Variants in PRKN observed in about 807,000 individuals in gnomAD.
PRKN encodes E3 ubiquitin-protein ligase parkin.
A neutral mutation model predicts 59.5 loss-of-function variants in PRKN; 56 were observed. The observed-to-expected ratio is 0.94, with a 90% confidence interval of 0.76 to 1.18. The LOEUF (loss-of-function observed/expected upper bound fraction) is 1.18. PRKN is among the 50% of genes most tolerant of loss of function. The pLI is 0.00. For synonymous variants in PRKN, 250 were observed against 222.1 expected, an observed-to-expected ratio of 1.13 and a Z score of -1.12; for missense variants, 657 against 596.4, an observed-to-expected ratio of 1.10 and a Z score of -1.06.
intron 6 of PRKN, among the ~76,000 whole-genome samples, chr6:161,933,165 A>G (rs1340034987): frequency 1.1e-4 from 16 of 152,160 alleles, no homozygotes; most frequent in Non-Finnish European, 1.5e-5. Context: ...CTGTAATCCC[A>G]GCTACTTGGA....
intron 7 of PRKN, among the ~76,000 whole-genome samples, chr6:161,710,851 C>T (rs76061851): frequency 1.6e-4 from 9 of 54,652 alleles, no homozygotes; most frequent in South Asian, 9.3e-4. Context: ...TTTCCTTCTT[C>T]CCTTCCCTTC....
At chr6:161,801,379 G>C (rs976115776) in intron 6 of PRKN, among the ~76,000 whole-genome samples, 1 of 152,172 alleles carries the variant, frequency 6.6e-6, no homozygotes, top group Non-Finnish European at 1.5e-5. Context: ...CGGTTCTTTC[G>C]GGAGAAAGAT....
intron 2 of PRKN, among the ~76,000 whole-genome samples, chr6:162,360,114 C>CGGGTGT (rs1785071267): frequency 6.6e-6 from 1 of 150,918 alleles, no homozygotes; most frequent in Admixed American, 6.6e-5. Context: ...GGTGTGGGTG[C>CGGGTGT]GGGTGTGGGT....
chr6:162,460,761 T>C (rs971903412), intron 1 of PRKN, among the ~76,000 whole-genome samples: 3 of 152,334 alleles, frequency 2.0e-5, no homozygotes, highest in East Asian at 1.9e-4. Context: ...GTAAACATCA[T>C]CTTTCACATT....
chr6:162,182,042 T>C (rs914474621), intron 4 of PRKN, among the ~76,000 whole-genome samples: 1 of 150,138 alleles, frequency 6.7e-6, no homozygotes, highest in Non-Finnish European at 1.5e-5. Flanking sequence ...TCTTTTGTAT[T>C]GCAATCTCAC....
chr6:161,693,172 G>T lies in PRKN; in HGVS notation c.871+92600C>A, dbSNP rs116402222. ...CTTATAAAACATAGAAGAAAAACTA[G>T]CCCTAAATATTTCTGAAAACCAATA... On this transcript the variant is annotated intron_variant, in intron 7 of 11. Transcript: ENST00000366898. Among the ~76,000 whole-genome samples the T allele has an allele frequency of 7.8e-3, 1,187 of 151,990 alleles. 10 individuals are homozygous for T. Among genetic ancestry groups the T allele is most frequent in the African/African-American group, 0.027 (1,127 of 41,452 alleles).
At chr6:162,512,755 C>A (rs1330717406) in intron 1 of PRKN, among the ~76,000 whole-genome samples, 1 of 152,066 alleles carries the variant, frequency 6.6e-6, no homozygotes, top group Non-Finnish European at 1.5e-5. Flanking sequence ...TTCCTAGCTA[C>A]ACTTTATTAA....
At chr6:161,964,892 T>C (rs1405602266) in intron 6 of PRKN, among the ~76,000 whole-genome samples, 1 of 152,044 alleles carries the variant, frequency 6.6e-6, no homozygotes, top group African/African-American at 2.4e-5. Flanking sequence ...ATGTCAAAAA[T>C]CAGACTGACA....
At chr6:162,166,088 T>C (rs1322329061) in intron 4 of PRKN, among the ~76,000 whole-genome samples, 13 of 146,906 alleles carry the variant, frequency 8.8e-5, no homozygotes, top group Non-Finnish European at 1.9e-4. Flanking sequence ...TAAAAGCATC[T>C]GTTTAAAAGT....
In PRKN at chr6:161,898,353, G is replaced by A. The variant is rs953733670; in HGVS notation, c.734+74949C>T. Reference sequence around the variant, plus strand: ...TGAGCTACAGGTTCTAGGGAATCACGAAGGTCCCACGAGCAATAATATTTA... The same window carrying A: ...TGAGCTACAGGTTCTAGGGAATCACAAAGGTCCCACGAGCAATAATATTTA... On this transcript the variant is annotated intron_variant, in intron 6 of 11. Transcript: ENST00000366898. Among the ~76,000 whole-genome samples the A allele has an allele frequency of 5.3e-5, 8 of 152,162 alleles. No homozygotes were observed. In the South Asian group the frequency reaches 6.2e-4, roughly 12 times the overall value.
At chr6:161,508,129 T>A (rs2115323462) in intron 9 of PRKN, among the ~76,000 whole-genome samples, 1 of 152,338 alleles carries the variant, frequency 6.6e-6, no homozygotes, top group South Asian at 2.1e-4. Context: ...TAGTTTGCAA[T>A]CACAGACTAC....
At chr6:161,977,334 A>G (rs548211234) in intron 5 of PRKN, among the ~76,000 whole-genome samples, 1 of 152,270 alleles carries the variant, frequency 6.6e-6, no homozygotes, top group East Asian at 1.9e-4. Context: ...GTTGAAGTAG[A>G]TAGGCTAAGT....
chr6:162,310,385 AC>A (rs1782442890), intron 2 of PRKN, among the ~76,000 whole-genome samples: 1 of 152,020 alleles, frequency 6.6e-6, no homozygotes, highest in Non-Finnish European at 1.5e-5. Context: ...TGCCATGGTG[AC>A]GGAAGCAGAG....
intron 7 of PRKN, among the ~76,000 whole-genome samples, chr6:161,746,106 T>C (rs1283135078): frequency 6.6e-6 from 1 of 152,212 alleles, no homozygotes; most frequent in African/African-American, 2.4e-5. Context: ...CTCCATGAAT[T>C]AGGCAAAATT....
chr6:162,346,212 T>C (rs1000310633), intron 2 of PRKN, among the ~76,000 whole-genome samples: 7 of 152,196 alleles, frequency 4.6e-5, no homozygotes, highest in Non-Finnish European at 1.0e-4. Context: ...TTCCTTTCAG[T>C]GGACTGGTCA....
intron 4 of PRKN, among the ~76,000 whole-genome samples, chr6:162,175,941 G>A (rs763850030): frequency 1.4e-4 from 22 of 152,196 alleles, no homozygotes; most frequent in Non-Finnish European, 2.6e-4. Context: ...TCTCCACCAT[G>A]TAGCCTTCAC....
intron 2 of PRKN, among the ~76,000 whole-genome samples, chr6:162,429,688 T>C (rs549013439): frequency 2.0e-4 from 31 of 152,256 alleles, no homozygotes; most frequent in African/African-American, 6.3e-4. Context: ...AGAACTCTTA[T>C]GTTTTCTTAA....
intron 1 of PRKN, among the ~76,000 whole-genome samples, chr6:162,558,816 A>G (rs1779718786): frequency 6.6e-6 from 1 of 150,720 alleles, no homozygotes; most frequent in Non-Finnish European, 1.5e-5. Flanking sequence ...TAATTTTTGT[A>G]TTTGTGGTAG....
intron 6 of PRKN, among the ~76,000 whole-genome samples, chr6:161,803,476 C>T (rs1791175829): frequency 6.6e-6 from 1 of 152,182 alleles, no homozygotes; most frequent in Non-Finnish European, 1.5e-5. Context: ...TGCCTTTCAC[C>T]ACGAGAAGAA....
Sources: allele counts gnomAD v4.1 joint callset (sites outside exome capture counted in the v4.1 genomes callset), GRCh38; gene constraint gnomAD v4.1.1; transcripts MANE v1.5; gene names NCBI Gene and HGNC (gene_info 2026-07-23, HGNC 2026-07-21).